The following PDGFRA variants were observed in gnomAD, a reference collection of about 807,000 sequenced individuals.
The protein encoded by PDGFRA is platelet-derived growth factor receptor alpha.
A neutral mutation model predicts 121.5 loss-of-function variants in PDGFRA; 25 were observed. That is an observed-to-expected ratio of 0.21 (90% CI 0.15 to 0.29). The LOEUF (loss-of-function observed/expected upper bound fraction) is 0.29. Ranked by LOEUF, PDGFRA falls within the 10% of genes least tolerant of loss-of-function variation. The probability of loss-of-function intolerance (pLI) is 1.00; values close to 1 mark genes in which losing one functional copy is unlikely to be tolerated. For missense variants in PDGFRA, 1,008 were observed against 1,345.1 expected (o/e 0.75, Z 3.92); for synonymous variants, 463 against 494.8 (o/e 0.94, Z 0.85).
intron 1 of PDGFRA, among the ~76,000 whole-genome samples, chr4:54,243,219 G>A (rs1163625109): frequency 6.6e-6 from 1 of 152,134 alleles, no homozygotes; most frequent in Non-Finnish European, 1.5e-5. Context: ...GCACTTCTAT[G>A]CACTTCTGCC....
At position 54,297,271 on chromosome 4, in the gene PDGFRA, G is replaced by A. The variant is rs772175933; in HGVS notation, c.*1999G>A. The stretch of plus-strand genomic sequence containing the variant: ...TGATTACTGCAATCACTGTGCTATC[G>A]GCAGATGATGCTTTGGAAGATGCAG... On this transcript the variant is annotated 3_prime_UTR_variant, in exon 23 of 23. Coordinates refer to ENST00000257290, the MANE Select transcript of PDGFRA (RefSeq NM_006206.6). 56 of 233,610 alleles carry A rather than the reference G, an allele frequency of 2.4e-4. No individual in the cohort carries two copies. The highest frequency in any genetic ancestry group is 1.3e-3 in the Middle Eastern group (1 of 786). The allele number at this position is 233,610 out of a possible 1,614,324, so 14.5% of individuals were successfully genotyped here.
intron 1 of PDGFRA, among the ~76,000 whole-genome samples, chr4:54,231,593 C>T (rs1354010230): frequency 6.6e-6 from 1 of 152,242 alleles, no homozygotes; most frequent in East Asian, 1.9e-4. Context: ...CCTTTCTCCT[C>T]GGCCTCCTCC....
At chr4:54,285,818 T>A (rs759097667) in intron 17 of PDGFRA, 23 bp from the exon 18 acceptor site, 2 of 1,613,576 alleles carry the variant, frequency 1.2e-6, no homozygotes, top group South Asian at 2.2e-5. Context: ...TGATCCTGAG[T>A]CATTTCTTCC....
At chr4:54,248,946 A>C (rs539677278) in intron 1 of PDGFRA, among the ~76,000 whole-genome samples, 1 of 152,362 alleles carries the variant, frequency 6.6e-6, no homozygotes, top group Admixed American at 6.5e-5. Flanking sequence ...ACATTTAAGC[A>C]GCCAAAAAAA....
At position 54,297,815 on chromosome 4, in the gene PDGFRA, G is replaced by A. The variant is rs1185053754; in HGVS notation, c.*2543G>A. ...CTATTTGTGACTTTTTAAACGATTA[G>A]TGATGTCCTTAAAATGTGGTCTGCC... On this transcript the variant is annotated 3_prime_UTR_variant, in exon 23 of 23. Coordinates refer to ENST00000257290, the MANE Select transcript of PDGFRA (RefSeq NM_006206.6). The A allele has an allele frequency of 1.3e-5, 3 of 233,458 alleles. No homozygotes were observed. Among genetic ancestry groups the A allele is most frequent in the African/African-American group, 6.6e-5 (3 of 45,312 alleles). 14.5% of individuals were successfully genotyped at this position (233,458 alleles called of 1,614,324 possible).
intron 16 of PDGFRA, chr4:54,281,726 C>A: frequency 1.5e-6 from 2 of 1,352,812 alleles, no homozygotes; most frequent in Non-Finnish European, 1.9e-6. Context: ...TCTTCACTTG[C>A]TGAACATTTT....
chr4:54,241,322 A>G (rs1190119327), intron 1 of PDGFRA, among the ~76,000 whole-genome samples: 1 of 152,100 alleles, frequency 6.6e-6, no homozygotes, highest in African/African-American at 2.4e-5. Flanking sequence ...TGTTATAAAG[A>G]AATTTTATGA....
rs2110291470 is a variant in PDGFRA at position 54,273,567 on chromosome 4, G to C, written c.1395G>C (p.Leu465Phe). Residue 465 changes from leucine to phenylalanine, a missense_variant, in exon 10 of 23, where the codon TTG becomes TTC. Physicochemically the swap from Leu to Phe is conservative, Grantham distance 22. This residue lies in a region of PDGFRA where 575 missense variants were observed against 701.8 expected (regional missense o/e 0.82). Transcript: ENST00000257290. ...ATAATGAAACTTCCTGGACTATTTT[G>C]GCCAACAATGTCTCAAACATCATCA... ...KCNNETSWTI[L>F]ANNVSNIITE... The C allele has an allele frequency of 6.2e-7, 1 of 1,614,038 alleles. No homozygotes were observed. The highest frequency in any genetic ancestry group is 8.5e-7 in the Non-Finnish European group (1 of 1,179,988).
Position 54,293,153 on chromosome 4 carries a change from C to G in PDGFRA, c.3123-1972C>G, listed in dbSNP as rs141090823. On this transcript the variant is annotated intron_variant, in intron 22 of 22. Transcript: ENST00000257290. Reference sequence around the variant, plus strand: ...TATGTCTCTATTTTTTGCCCTCTTACATATTATTTGTGAAGAAACCATAGT... The same window carrying G: ...TATGTCTCTATTTTTTGCCCTCTTAGATATTATTTGTGAAGAAACCATAGT... Among the ~76,000 whole-genome samples, 519 of 152,262 alleles carry G rather than the reference C, an allele frequency of 3.4e-3. 2 individuals are homozygous for G. Among genetic ancestry groups the G allele is most frequent in the South Asian group, 0.027 (132 of 4,820 alleles).
At chr4:54,232,802 C>T (rs578157258) in intron 1 of PDGFRA, among the ~76,000 whole-genome samples, 5 of 152,330 alleles carry the variant, frequency 3.3e-5, no homozygotes, top group African/African-American at 9.6e-5. Context: ...CCATGCTGGT[C>T]TCGAACTCCT....
At chr4:54,280,546 G>C (rs749942130) in intron 16 of PDGFRA, 64 bp downstream of exon 16, 1 of 1,337,520 alleles carries the variant, frequency 7.5e-7, no homozygotes, top group Non-Finnish European at 1.1e-6. Flanking sequence ...GATACTTAAA[G>C]TATTTAGAGG....
rs2110267512 is a variant in PDGFRA at position 54,267,709 on chromosome 4, C to G, written c.1089C>G (p.Ile363Met). ...NLTLIENLTE[I>M]TTDVEKIQEI... Reference sequence around the variant, plus strand: ...CTCTGATTGAAAATCTCACTGAGATCACCACTGATGTGGAAAAGATTCAGG... The same window carrying G: ...CTCTGATTGAAAATCTCACTGAGATGACCACTGATGTGGAAAAGATTCAGG... Residue 363 changes from isoleucine to methionine, a missense_variant, in exon 7 of 23, where the codon ATC (isoleucine) becomes ATG (methionine). Coordinates refer to ENST00000257290, the MANE Select transcript of PDGFRA (RefSeq NM_006206.6). The G allele has an allele frequency of 6.2e-7, 1 of 1,614,038 alleles. No individual in the cohort carries two copies. The highest frequency in any genetic ancestry group is 1.1e-5 in the South Asian group (1 of 91,078).
At chr4:54,237,856 T>G (rs1439480971) in intron 1 of PDGFRA, among the ~76,000 whole-genome samples, 1 of 152,224 alleles carries the variant, frequency 6.6e-6, no homozygotes, top group Non-Finnish European at 1.5e-5. Context: ...AGGGGTGGGA[T>G]ATGGCTAAAA....
Position 54,272,539 on chromosome 4 carries a change from T to C in PDGFRA, c.1364+19T>C, listed in dbSNP as rs766752693. 8.1e-6 allele frequency: 13 copies of C among 1,611,430 alleles called. No individual in the cohort carries two copies. Among genetic ancestry groups the C allele is most frequent in the Middle Eastern group, 1.7e-4 (1 of 6,028 alleles). On this transcript the variant is annotated intron_variant, in intron 9 of 22. Coordinates refer to ENST00000257290, the MANE Select transcript of PDGFRA (RefSeq NM_006206.6). ...TTAAGAAGTATGGAAAACAGATGTG[T>C]CTTCTTCTTTCGTGGTCAGAATATT... is the stretch of plus-strand genomic sequence containing the variant.
At chr4:54,234,964 A>G (rs1010790923) in intron 1 of PDGFRA, among the ~76,000 whole-genome samples, 3 of 152,142 alleles carry the variant, frequency 2.0e-5, no homozygotes. Context: ...GCCCCCTCCC[A>G]TTACTGGAAT....
intron 1 of PDGFRA, among the ~76,000 whole-genome samples, chr4:54,256,023 C>G (rs920186164): frequency 6.6e-6 from 1 of 151,928 alleles, no homozygotes; most frequent in African/African-American, 2.4e-5. Context: ...GGCTGCATTC[C>G]CAGGAGGTTA....
intron 11 of PDGFRA, 94 bp downstream of exon 11, chr4:54,274,719 C>A (rs2110297988): frequency 7.0e-7 from 1 of 1,429,912 alleles, no homozygotes; most frequent in Non-Finnish European, 9.9e-7. Flanking sequence ...AGGAGCTCAG[C>A]AATTACATGT....
intron 12 of PDGFRA, 169 bp from the exon 13 acceptor site, chr4:54,277,219 C>CT: frequency 2.9e-6 from 2 of 683,698 alleles, no homozygotes; most frequent in Non-Finnish European, 5.4e-6. Flanking sequence ...ATTTCCTTCC[C>CT]TGTGGGCTCA....
Position 54,272,504 on chromosome 4 carries a change from T to C in PDGFRA, c.1348T>C (p.Cys450Arg). ...GCTTCCTGATATTGAGTGGATGATA[T>C]GCAAAGATATTAAGAAGTATGGAAA... ...TPLPDIEWMI[C>R]KDIKKCNNET... The change falls in exon 9 of 23, where the codon TGC becomes CGC. Residue 450 changes from cysteine to arginine, a missense_variant. Around this residue, in one of 5 missense-constraint regions of PDGFRA, gnomAD observed 575 missense variants for 701.8 expected, o/e 0.82. Transcript: ENST00000257290. 6.2e-7 allele frequency: 1 copy of C among 1,614,046 alleles called. No individual in the cohort carries two copies. Among genetic ancestry groups the C allele is most frequent in the South Asian group, 1.1e-5 (1 of 91,086 alleles).
Sources: allele counts gnomAD v4.1 joint callset (sites outside exome capture counted in the v4.1 genomes callset), GRCh38; gene constraint gnomAD v4.1.1; regional missense constraint gnomAD v4.1.1; transcripts MANE v1.5; gene names NCBI Gene and HGNC (gene_info 2026-07-23, HGNC 2026-07-21).